The following SGCZ variants were observed in gnomAD, a reference collection of about 807,000 sequenced individuals.
SGCZ encodes sarcoglycan zeta, also known as zeta-sarcoglycan.
SGCZ carries 40 observed loss-of-function variants against 41.3 expected under a neutral mutation model. The observed-to-expected ratio is 0.97, with a 90% confidence interval of 0.75 to 1.26. The LOEUF (loss-of-function observed/expected upper bound fraction) is 1.26. Ranked by LOEUF, SGCZ falls within the 50% of genes most tolerant of loss-of-function variation. The pLI, the probability that SGCZ is intolerant of heterozygous loss-of-function variation, is 0.00. For synonymous variants in SGCZ, 206 were observed against 137.5 expected (o/e 1.50, Z -3.49); for missense variants, 552 against 369.8 (o/e 1.49, Z -4.04).
chr8:14,731,375 G>C (rs1346637808), intron 1 of SGCZ, among the ~76,000 whole-genome samples: 1 of 151,574 alleles, frequency 6.6e-6, no homozygotes, highest in Non-Finnish European at 1.5e-5. Flanking sequence ...TCACACACTG[G>C]GGTCTGTCAG....
intron 1 of SGCZ, among the ~76,000 whole-genome samples, chr8:14,691,389 A>T (rs889600469): frequency 1.3e-5 from 2 of 152,174 alleles, no homozygotes; most frequent in Non-Finnish European, 2.9e-5. Flanking sequence ...GTCAACCGAT[A>T]CATGAACAAA....
chr8:14,252,999 T>A (rs1042445976), intron 3 of SGCZ, among the ~76,000 whole-genome samples: 1 of 152,156 alleles, frequency 6.6e-6, no homozygotes, highest in African/African-American at 2.4e-5. Flanking sequence ...AGCCTGTGAA[T>A]TTACTGGATG....
At chr8:14,093,179 TG>T (rs747961588) in intron 7 of SGCZ, among the ~76,000 whole-genome samples, 14 of 152,116 alleles carry the variant, frequency 9.2e-5, no homozygotes, top group Non-Finnish European at 1.8e-4. Context: ...GAGAATATTC[TG>T]CTTTCTCTCT....
chr8:15,049,936 A>C (rs1482532257), intron 1 of SGCZ, among the ~76,000 whole-genome samples: 3 of 152,102 alleles, frequency 2.0e-5, no homozygotes, highest in Non-Finnish European at 4.4e-5. Context: ...AGTCCTCCAC[A>C]GCCATCTGAA....
intron 6 of SGCZ, among the ~76,000 whole-genome samples, 197 bp from the exon 7 acceptor site, chr8:14,102,696 T>A (rs1290585486): frequency 1.3e-5 from 2 of 152,140 alleles, no homozygotes; most frequent in Non-Finnish European, 2.9e-5. Flanking sequence ...GACGTATCTA[T>A]TTTTGGCTCT....
At chr8:14,413,373 T>C (rs752283702) in intron 2 of SGCZ, among the ~76,000 whole-genome samples, 1 of 152,008 alleles carries the variant, frequency 6.6e-6, no homozygotes, top group Non-Finnish European at 1.5e-5. Context: ...TATATGTAGT[T>C]CTCTGCCCAA....
intron 2 of SGCZ, among the ~76,000 whole-genome samples, chr8:14,377,539 G>A (rs149186233): frequency 0.02 from 2,919 of 149,542 alleles, 77 homozygotes; most frequent in African/African-American, 0.056. Context: ...TTTTTCTTTT[G>A]TTATTATACT....
At position 14,084,975 on chromosome 8, in the gene SGCZ, G is replaced by T. The variant is rs1040937795; in HGVS notation, c.*5468C>A. Reference sequence around the variant, plus strand: ...ATGAGCTCATTGCATGCTTCAAAAGGTCTCATTTCAGAGAAAAAAAGGTTT... The same window carrying T: ...ATGAGCTCATTGCATGCTTCAAAAGTTCTCATTTCAGAGAAAAAAAGGTTT... On this transcript the variant is annotated 3_prime_UTR_variant, in exon 8 of 8. Transcript: ENST00000382080. Among the ~76,000 whole-genome samples the T allele has an allele frequency of 9.9e-5, 15 of 151,628 alleles. No individual in the cohort carries two copies. Among genetic ancestry groups the T allele is most frequent in the African/African-American group, 3.6e-4 (15 of 41,352 alleles).
At chr8:14,589,569 T>C (rs1036770890) in intron 1 of SGCZ, among the ~76,000 whole-genome samples, 2 of 152,148 alleles carry the variant, frequency 1.3e-5, no homozygotes, top group Admixed American at 1.3e-4. Flanking sequence ...TTACTTGATC[T>C]CTTTAAACTT....
In SGCZ at chr8:14,281,527, T is replaced by C. The variant is rs541241151; in HGVS notation, c.336+42576A>G. Among the ~76,000 whole-genome samples the C allele has an allele frequency of 4.0e-4, 61 of 152,126 alleles. 1 individual carries two copies. Among genetic ancestry groups the C allele is most frequent in the African/African-American group, 1.4e-3 (58 of 41,558 alleles). On this transcript the variant is annotated intron_variant, in intron 3 of 7. Coordinates refer to ENST00000382080, the MANE Select transcript of SGCZ (RefSeq NM_139167.4). ...TCCAAAAATTCAAATTGAATATACATGCACATTTTGCATGCAATTTTAAAA... is the reference window on the plus strand; with the variant it reads ...TCCAAAAATTCAAATTGAATATACACGCACATTTTGCATGCAATTTTAAAA...
chr8:14,767,476 A>T (rs1328056448), intron 1 of SGCZ, among the ~76,000 whole-genome samples: 1 of 152,164 alleles, frequency 6.6e-6, no homozygotes, highest in African/African-American at 2.4e-5. Context: ...TTACTCTAGC[A>T]TTTTGGGGGA....
At chr8:14,923,988 G>C (rs998560145) in intron 1 of SGCZ, among the ~76,000 whole-genome samples, 4 of 152,066 alleles carry the variant, frequency 2.6e-5, no homozygotes, top group East Asian at 1.9e-4. Context: ...GGAAAATAAG[G>C]CTGTCATAAA....
intron 5 of SGCZ, among the ~76,000 whole-genome samples, chr8:14,116,702 T>C (rs866707724): frequency 9.9e-5 from 15 of 152,230 alleles, no homozygotes; most frequent in Middle Eastern, 3.4e-3. Context: ...TCACTTGCCA[T>C]GTAATTCATG....
At chr8:14,825,732 A>C (rs75549938) in intron 1 of SGCZ, among the ~76,000 whole-genome samples, 5,029 of 152,212 alleles carry the variant, frequency 0.033, 198 homozygotes, top group African/African-American at 0.094. Context: ...GTGTCTGGTA[A>C]CCACTGTTCT....
chr8:14,924,965 C>A (rs918136477), intron 1 of SGCZ, among the ~76,000 whole-genome samples: 1 of 148,180 alleles, frequency 6.7e-6, no homozygotes, highest in African/African-American at 2.5e-5. Context: ...TCAAGCGATT[C>A]TTGTGCCTCA....
intron 1 of SGCZ, among the ~76,000 whole-genome samples, chr8:14,685,509 A>G (rs907678288): frequency 6.6e-6 from 1 of 152,146 alleles, no homozygotes; most frequent in Admixed American, 6.6e-5. Flanking sequence ...TTTACAACAT[A>G]CTTTGGTTAA....
At chr8:14,601,235 A>G (rs997613872) in intron 1 of SGCZ, among the ~76,000 whole-genome samples, 3 of 152,072 alleles carry the variant, frequency 2.0e-5, no homozygotes, top group Non-Finnish European at 4.4e-5. Flanking sequence ...TAATGTATAC[A>G]TTCAATATTT....
rs974265568 is a variant in SGCZ, at chr8:14,301,394, G to A, written c.336+22709C>T. ...TCACAAAAAAAAACAAACAATTGTT[G>A]AAAAGCCTAACATCTTTACTGGAGT... On this transcript the variant is annotated intron_variant, in intron 3 of 7. Coordinates refer to ENST00000382080, the MANE Select transcript of SGCZ (RefSeq NM_139167.4). 2.0e-5 allele frequency among the ~76,000 whole-genome samples: 3 copies of A among 151,688 alleles called. No homozygotes were observed. In the East Asian group the frequency reaches 5.8e-4, roughly 30 times the overall value.
chr8:14,379,819 C>A (rs1272750789), intron 2 of SGCZ, among the ~76,000 whole-genome samples: 1 of 152,076 alleles, frequency 6.6e-6, no homozygotes, highest in Non-Finnish European at 1.5e-5. Context: ...GCAGCCTCCA[C>A]CTCCCGGGTT....
Sources: allele counts gnomAD v4.1 joint callset (sites outside exome capture counted in the v4.1 genomes callset), GRCh38; gene constraint gnomAD v4.1.1; transcripts MANE v1.5; gene names NCBI Gene and HGNC (gene_info 2026-07-23, HGNC 2026-07-21).